NBPF3: variants seen among roughly 807,000 people sequenced by gnomAD.
The protein encoded by NBPF3 is NBPF member 3.
Under a neutral mutation model 78.1 loss-of-function variants are expected in NBPF3, and 57 were observed. That is an observed-to-expected ratio of 0.73 (90% CI 0.59 to 0.91). NBPF3 has a LOEUF of 0.91. Ranked by LOEUF, NBPF3 falls within the 40% of genes least tolerant of loss-of-function variation. NBPF3 has a pLI of 0.00. For missense variants in NBPF3, 510 were observed against 715.3 expected, an observed-to-expected ratio of 0.71 and a Z score of 3.27; for synonymous variants, 182 against 271.7, an observed-to-expected ratio of 0.67 and a Z score of 3.25.
chr1:21,480,299 C>A, intron 11 of NBPF3, 76 bp downstream of exon 11: 1 of 661,952 alleles, frequency 1.5e-6, no homozygotes, highest in Non-Finnish European at 2.5e-6. Context: ...TTCCAAGTGG[C>A]CCTTATTGAC....
chr1:21,456,635 G>A (rs1641619002), intron 2 of NBPF3, among the ~76,000 whole-genome samples: 1 of 107,574 alleles, frequency 9.3e-6, no homozygotes, highest in African/African-American at 2.9e-5. Flanking sequence ...AAAAGCATTT[G>A]GCAAAATTGA....
intron 5 of NBPF3, 61 bp from the exon 6 acceptor site, chr1:21,472,782 C>T (rs1326423183): frequency 1.8e-5 from 21 of 1,193,086 alleles, no homozygotes; most frequent in Non-Finnish European, 2.3e-5. Context: ...GCACATTCGG[C>T]TGACTGTGCT....
At chr1:21,469,964 A>G (rs533810937) in intron 3 of NBPF3, among the ~76,000 whole-genome samples, 7 of 152,332 alleles carry the variant, frequency 4.6e-5, no homozygotes, top group South Asian at 2.1e-4. Flanking sequence ...AATTGCTGCA[A>G]TGAGTTACAT....
At chr1:21,470,798 C>T (rs1325394647) in intron 4 of NBPF3, 64 bp downstream of exon 4, 25 of 1,117,376 alleles carry the variant, frequency 2.2e-5, no homozygotes, top group African/African-American at 3.1e-5. Context: ...TACAGCAGCT[C>T]GGCAGGGAGA....
At chr1:21,453,015 T>G (rs1641396821) in intron 2 of NBPF3, among the ~76,000 whole-genome samples, 1 of 152,196 alleles carries the variant, frequency 6.6e-6, no homozygotes, top group African/African-American at 2.4e-5. Flanking sequence ...AATATTAGTG[T>G]CACCTAGCGT....
rs989659063 is a variant in NBPF3 at position 21,476,342 on chromosome 1, T to C, written c.992+1391T>C. 6.6e-6 allele frequency among the ~76,000 whole-genome samples: 1 copy of C among 152,208 alleles called. No individual in the cohort carries two copies. Among genetic ancestry groups the C allele is most frequent in the Non-Finnish European group, 1.5e-5 (1 of 68,036 alleles). On this transcript the variant is annotated intron_variant, in intron 8 of 14. Coordinates refer to ENST00000318249, the MANE Select transcript of NBPF3 (RefSeq NM_032264.6). The surrounding 1 kb of genome is among the most constrained non-coding windows in gnomAD (Gnocchi z 4.1). ...GATGTGAGCTGGTTATTTTGCCTGT[T>C]AGTTGATGCACTTTCTTCCTAGCAT...
At chr1:21,444,879 C>G in intron 1 of NBPF3, 69 bp from the exon 2 acceptor site, 2 of 508,496 alleles carry the variant, frequency 3.9e-6, no homozygotes, top group Non-Finnish European at 7.0e-6. Flanking sequence ...TAAATGGCAG[C>G]TCCATCCTTC....
intron 2 of NBPF3, among the ~76,000 whole-genome samples, chr1:21,447,288 A>G (rs990762016): frequency 4.6e-5 from 7 of 152,234 alleles, no homozygotes; most frequent in African/African-American, 1.7e-4. Flanking sequence ...CATAGTTTAC[A>G]TTAGAGTTCA....
intron 3 of NBPF3, among the ~76,000 whole-genome samples, chr1:21,469,887 C>T (rs1042763914): frequency 1.3e-5 from 2 of 152,166 alleles, no homozygotes; most frequent in African/African-American, 2.4e-5. Context: ...ATCCAAGTTG[C>T]TTGTCTTGTC....
chr1:21,462,780 C>A (rs149114454), intron 2 of NBPF3, among the ~76,000 whole-genome samples: 1 of 152,164 alleles, frequency 6.6e-6, no homozygotes, highest in Non-Finnish European at 1.5e-5. Flanking sequence ...ATTCTTATTC[C>A]TCTCCTCACT....
At chr1:21,459,464 C>T (rs934107727) in intron 2 of NBPF3, among the ~76,000 whole-genome samples, 3 of 152,150 alleles carry the variant, frequency 2.0e-5, no homozygotes, top group African/African-American at 4.8e-5. Context: ...CCCTCCAAAA[C>T]GTTTTCCAAG....
intron 2 of NBPF3, among the ~76,000 whole-genome samples, chr1:21,446,802 G>T (rs1432882328): frequency 6.6e-6 from 1 of 151,786 alleles, no homozygotes; most frequent in African/African-American, 2.4e-5. Flanking sequence ...GTGCCACTGG[G>T]GCAGCTGCTG....
upstream of NBPF3, among the ~76,000 whole-genome samples, chr1:21,438,754 C>G (rs767949460): frequency 3.9e-4 from 59 of 152,174 alleles, no homozygotes; most frequent in Admixed American, 3.3e-4. Context: ...GTGGCTCGTC[C>G]TGATCTGTCT....
At chr1:21,446,410 T>C (rs1640972379) in intron 2 of NBPF3, 1 of 152,036 alleles carries the variant, frequency 6.6e-6, no homozygotes. Flanking sequence ...TGGTGTAAGT[T>C]TCCCCACTGT....
chr1:21,477,244 G>GT lies in NBPF3; in HGVS notation c.993-897dup, dbSNP rs1177621428. ...GCACATCCTCCTTTAGCTCGGAAAA[G>GT]TTTATTACCGACTTCTGAAGCCTAC... On this transcript the variant is annotated intron_variant, in intron 8 of 14. Transcript: ENST00000318249. 2.6e-5 allele frequency among the ~76,000 whole-genome samples: 4 copies of GT among 152,278 alleles called. No individual in the cohort carries two copies. In the South Asian group the frequency reaches 6.2e-4, roughly 24 times the overall value.
intron 7 of NBPF3, 29 bp downstream of exon 7, chr1:21,473,614 C>A (rs1570073254): frequency 6.4e-7 from 1 of 1,572,684 alleles, no homozygotes; most frequent in Non-Finnish European, 8.8e-7. Context: ...TGTCTCACAC[C>A]TTTTCCTATG....
intron 2 of NBPF3, among the ~76,000 whole-genome samples, chr1:21,445,587 T>G (rs2147899168): frequency 6.7e-6 from 1 of 149,874 alleles, no homozygotes; most frequent in Admixed American, 6.7e-5. Flanking sequence ...CTTTCTGCTC[T>G]TCAGCTTTGA....
chr1:21,469,341 T>C (rs1642460535), intron 3 of NBPF3, among the ~76,000 whole-genome samples: 1 of 152,156 alleles, frequency 6.6e-6, no homozygotes, highest in African/African-American at 2.4e-5. Context: ...TGAGGAAAAC[T>C]TGGTGATAGT....
At chr1:21,474,480 T>C (rs1293876896) in intron 7 of NBPF3, among the ~76,000 whole-genome samples, 1 of 152,184 alleles carries the variant, frequency 6.6e-6, no homozygotes, top group Non-Finnish European at 1.5e-5. Flanking sequence ...CAGATTCTTT[T>C]TAATGCAAGA....
Sources: allele counts gnomAD v4.1 joint callset (sites outside exome capture counted in the v4.1 genomes callset), GRCh38; gene constraint gnomAD v4.1.1; non-coding constraint Gnocchi (gnomAD v3.1); transcripts MANE v1.5; gene names NCBI Gene and HGNC (gene_info 2026-07-23, HGNC 2026-07-21).